ATP7A: variants seen among roughly 807,000 people sequenced by gnomAD.
ATP7A encodes the protein copper-transporting ATPase 1.
A neutral mutation model predicts 83.5 loss-of-function variants in ATP7A; 7 were observed. The observed-to-expected ratio is 0.08, with a 90% CI of 0.05 to 0.16. ATP7A has a LOEUF of 0.16. Among genes scored for constraint, ATP7A ranks in the 10% least tolerant of loss-of-function variants. The pLI is 1.00. For synonymous variants in ATP7A, 354 were observed against 395.2 expected (o/e 0.90, Z 1.24); for missense variants, 940 against 1,120.8 (o/e 0.84, Z 2.30).
chrX:77,910,727 A>C lies in ATP7A; in HGVS notation c.-130A>C, dbSNP rs1264276893. ...TGCTGCCGCCGCCGCAGCCGCAGCT[A>C]CTGTGACTTCTCCGATTGTGTGAGC... On this transcript the variant is annotated 5_prime_UTR_variant, in exon 1 of 23. Coordinates refer to ENST00000341514, the MANE Select transcript of ATP7A (RefSeq NM_000052.7). 8.9e-6 allele frequency: 1 copy of C among 112,385 alleles called. No homozygotes were observed. 9.3% of individuals were successfully genotyped at this position (112,385 alleles called of 1,213,427 possible).
At chrX:78,005,683 C>CAAAAAAAAAAAAAAAAAAAAAAA (rs1218646073) in intron 6 of ATP7A, among the ~76,000 whole-genome samples, 3 of 13,696 alleles carry the variant, frequency 2.2e-4, no homozygotes, top group African/African-American at 3.0e-4. Context: ...AACTCCATCT[C>CAAAAAAAAAAAAAAAAAAAAAAA]AAAAAAAAAA....
intron 12 of ATP7A, among the ~76,000 whole-genome samples, chrX:78,016,972 C>T (rs1313006634): frequency 8.9e-6 from 1 of 112,600 alleles, no homozygotes; most frequent in African/African-American, 3.2e-5. Flanking sequence ...CTAGGCAGTG[C>T]CCCATTGGGG....
intron 2 of ATP7A, among the ~76,000 whole-genome samples, chrX:77,977,816 A>G (rs2077584296): frequency 8.9e-6 from 1 of 112,618 alleles, no homozygotes; most frequent in Admixed American, 9.4e-5. Context: ...TCATAATTTG[A>G]TTGCTAAAAA....
chrX:78,023,063 G>A (rs375244970), intron 14 of ATP7A, among the ~76,000 whole-genome samples: 1 of 111,562 alleles, frequency 9.0e-6, no homozygotes, highest in Non-Finnish European at 1.9e-5. Context: ...CTGTCCCTAC[G>A]TTAACTCACT....
chrX:78,010,626 C>T (rs2077814046), intron 7 of ATP7A, among the ~76,000 whole-genome samples: 1 of 78,337 alleles, frequency 1.3e-5, no homozygotes, highest in African/African-American at 5.3e-5. Flanking sequence ...GTCGCCTGGG[C>T]TGGAGTGCAG....
intron 1 of ATP7A, among the ~76,000 whole-genome samples, chrX:77,933,480 C>T (rs1037165845): frequency 2.0e-4 from 22 of 111,577 alleles, no homozygotes; most frequent in Non-Finnish European, 3.4e-4. Context: ...ATAGGTGGTA[C>T]CAATTGAGTA....
rs201122491 is a variant in ATP7A at position 78,027,993 on chromosome X, GTATTTATT to G, written c.2917-1219_2917-1212del. The stretch of plus-strand genomic sequence containing the variant: ...AAAGGATTGTTGGGAAGTTTTTTTG[GTATTTATT>G]TATTTATTTATTTATTTATTTATTT... On this transcript the variant is annotated intron_variant, in intron 14 of 22. Transcript: ENST00000341514. Among the ~76,000 whole-genome samples the G allele has an allele frequency of 6.6e-3, 688 of 104,610 alleles. 4 individuals carry two copies. Among genetic ancestry groups the G allele is most frequent in the Admixed American group, 0.013 (123 of 9,475 alleles). The allele number at this position is 104,610 out of a possible 115,157, so 90.8% of individuals were successfully genotyped here.
chrX:78,038,881 A>G lies in ATP7A; in HGVS notation c.3557A>G (p.Glu1186Gly). 3.3e-6 allele frequency: 4 copies of G among 1,210,019 alleles called. No homozygotes were observed. The highest frequency in any genetic ancestry group is 4.5e-6 in the Non-Finnish European group (4 of 893,917). The change falls in exon 18 of 23, where the codon GAG (glutamate) becomes GGG (glycine). Residue 1186 changes from glutamate to glycine, a missense_variant. Transcript: ENST00000341514. ...TATAAAGTCCTCATTGGTAACCGGG[A>G]GTGGATGATTAGAAATGGTCTTGTC... ...QQYKVLIGNR[E>G]WMIRNGLVIN... is the part of the protein sequence containing the mutation.
chrX:78,033,703 T>G lies in ATP7A; in HGVS notation c.3393T>G (p.His1131Gln). 8.3e-7 allele frequency: 1 copy of G among 1,210,010 alleles called. No homozygotes were observed. Among genetic ancestry groups the G allele is most frequent in the Non-Finnish European group, 1.1e-6 (1 of 894,276 alleles). The change falls in exon 17 of 23, where the codon CAT (histidine) becomes CAG (glutamine). Residue 1131 changes from histidine to glutamine, a missense_variant. His to Gln is a conservative substitution (Grantham distance 24). Around this residue, in one of 3 missense-constraint regions of ATP7A, gnomAD observed 386 missense variants for 502.2 expected, o/e 0.77. Transcript: ENST00000341514. The part of the protein sequence containing the change: ...CKVTNIEGLL[H>Q]KNNWNIEDNN... Reference sequence around the variant, plus strand: ...TCACCAATATTGAAGGCTTGCTACATAAGAATAACTGGAATATAGAGGACA... The same window carrying G: ...TCACCAATATTGAAGGCTTGCTACAGAAGAATAACTGGAATATAGAGGACA...
chrX:78,000,493 C>T, intron 5 of ATP7A, among the ~76,000 whole-genome samples: 1 of 108,765 alleles, frequency 9.2e-6, no homozygotes, highest in Non-Finnish European at 1.9e-5. Context: ...ACCTCTTAGC[C>T]CAGTTAGAAA....
At chrX:77,917,800 G>A (rs1348766262) in intron 1 of ATP7A, among the ~76,000 whole-genome samples, 1 of 111,822 alleles carries the variant, frequency 8.9e-6, no homozygotes. Context: ...TGAAGCATCT[G>A]GTCAGTTTTA....
intron 5 of ATP7A, among the ~76,000 whole-genome samples, chrX:78,000,997 A>C (rs1349662219): frequency 8.9e-6 from 1 of 112,114 alleles, no homozygotes; most frequent in Non-Finnish European, 1.9e-5. Context: ...GAACAGAAAG[A>C]GTTCTTATTA....
At chrX:78,012,357 G>T (rs2077833074) in intron 9 of ATP7A, among the ~76,000 whole-genome samples, 1 of 111,341 alleles carries the variant, frequency 9.0e-6, no homozygotes, top group Admixed American at 9.7e-5. Flanking sequence ...TTCGTAGCTT[G>T]TGATATACCA....
At chrX:77,976,910 C>T (rs1557230372) in intron 2 of ATP7A, among the ~76,000 whole-genome samples, 1 of 110,757 alleles carries the variant, frequency 9.0e-6, no homozygotes, top group South Asian at 3.8e-4. Flanking sequence ...TCTACCTTGG[C>T]GTAATTCCAG....
intron 2 of ATP7A, among the ~76,000 whole-genome samples, chrX:77,987,494 C>A (rs2077644954): frequency 1.0e-5 from 1 of 97,125 alleles, no homozygotes; most frequent in Non-Finnish European, 2.0e-5. Flanking sequence ...GTGTCTTCAT[C>A]ATGAATCTTT....
intron 1 of ATP7A, among the ~76,000 whole-genome samples, chrX:77,942,987 T>G (rs1267809489): frequency 2.7e-5 from 3 of 109,916 alleles, no homozygotes; most frequent in Non-Finnish European, 5.7e-5. Flanking sequence ...GGCAACTTTT[T>G]GTATTTTTTT....
Position 78,015,850 on chromosome X carries a change from A to G in ATP7A, c.2595A>G (p.Gly865=), listed in dbSNP as rs1557235097. ...CAGTGGATGGTCGTGTTATTGAAGG[A>G]CATTCTATGGTAGATGAGTCCCTCA... ...KFPVDGRVIE[G]HSMVDESLIT... The change falls in exon 12 of 23, where the codon GGA becomes GGG. Residue 865 remains glycine, a synonymous_variant. Coordinates refer to ENST00000341514, the MANE Select transcript of ATP7A (RefSeq NM_000052.7). 1.7e-6 allele frequency: 2 copies of G among 1,211,797 alleles called. No individual in the cohort carries two copies. The highest frequency in any genetic ancestry group is 4.3e-5 in the Admixed American group (2 of 46,074).
intron 1 of ATP7A, among the ~76,000 whole-genome samples, chrX:77,937,514 A>G (rs1434511716): frequency 8.9e-6 from 1 of 112,416 alleles, no homozygotes; most frequent in Non-Finnish European, 1.9e-5. Flanking sequence ...ATCAATGTTT[A>G]TAGTAGCATT....
chrX:78,030,794 C>T (rs782027761), intron 15 of ATP7A, among the ~76,000 whole-genome samples: 3 of 107,017 alleles, frequency 2.8e-5, no homozygotes, highest in Non-Finnish European at 3.9e-5. Flanking sequence ...CAAGTTCCAG[C>T]GATTCTCCTG....
Sources: allele counts gnomAD v4.1 joint callset (sites outside exome capture counted in the v4.1 genomes callset), GRCh38; gene constraint gnomAD v4.1.1; regional missense constraint gnomAD v4.1.1; transcripts MANE v1.5; gene names NCBI Gene and HGNC (gene_info 2026-07-23, HGNC 2026-07-21).